SLC25A18: variants seen among roughly 807,000 people sequenced by gnomAD.
SLC25A18 encodes the protein solute carrier family 25 member 18, also known as mitochondrial glutamate carrier 2.
Under a neutral mutation model 31.1 loss-of-function variants are expected in SLC25A18, and 24 were observed. The observed-to-expected ratio is 0.77, with a 90% CI of 0.56 to 1.08. The LOEUF (loss-of-function observed/expected upper bound fraction) is 1.08, where lower values mean the gene tolerates loss of function less well. SLC25A18 is among the 50% of genes least tolerant of loss of function. SLC25A18 has a pLI of 0.00. For missense variants in SLC25A18, 371 were observed against 418.5 expected, an observed-to-expected ratio of 0.89 and a Z score of 0.99; for synonymous variants, 173 against 161.9, an observed-to-expected ratio of 1.07 and a Z score of -0.52.
chr22:17,572,637 A>T (rs1335027823), intron 2 of SLC25A18, among the ~76,000 whole-genome samples: 50,797 of 109,552 alleles, frequency 0.46, 11,795 homozygotes, highest in African/African-American at 0.6. Flanking sequence ...CTACAAATAA[A>T]TTTTTTTTTT....
intron 2 of SLC25A18, among the ~76,000 whole-genome samples, chr22:17,578,568 G>A (rs1412327574): frequency 6.6e-6 from 1 of 152,202 alleles, no homozygotes; most frequent in Non-Finnish European, 1.5e-5. Flanking sequence ...CTCAGAGCCT[G>A]GGCCAGCCTG....
intron 1 of SLC25A18, among the ~76,000 whole-genome samples, chr22:17,568,215 AAGTT>A (rs996817837): frequency 2.6e-5 from 4 of 151,708 alleles, no homozygotes; most frequent in African/African-American, 9.7e-5. Context: ...AAATACAAAA[AAGTT>A]AGCCGGGTGT....
At chr22:17,564,556 A>T (rs1569171734) in intron 1 of SLC25A18, among the ~76,000 whole-genome samples, 5 of 152,254 alleles carry the variant, frequency 3.3e-5, no homozygotes, top group South Asian at 2.1e-4. Flanking sequence ...AAGTAAAAAA[A>T]ATTTTTAGAA....
At chr22:17,568,719 G>A (rs1342787938) in intron 1 of SLC25A18, among the ~76,000 whole-genome samples, 1 of 151,048 alleles carries the variant, frequency 6.6e-6, no homozygotes, top group Non-Finnish European at 1.5e-5. Flanking sequence ...CTGCCACCAC[G>A]CCTGACTAAT....
intron 1 of SLC25A18, chr22:17,569,660 T>G: frequency 1.0e-6 from 1 of 985,424 alleles, no homozygotes; most frequent in Non-Finnish European, 1.2e-6. Flanking sequence ...TAAAATCTTT[T>G]CCCAGCCTGG....
Position 17,590,147 on chromosome 22 carries a change from C to T in SLC25A18, c.859C>T (p.Arg287Trp), listed in dbSNP as rs749514090. Reference protein sequence around the residue: ...PSAFMKGAGCRALVIAPLFGI... With the variant: ...PSAFMKGAGCWALVIAPLFGI... Reference sequence around the variant, plus strand: ...TGCCTTCATGAAAGGCGCTGGCTGCCGGGCACTGGTCATAGCACCTCTCTT... The same window carrying T: ...TGCCTTCATGAAAGGCGCTGGCTGCTGGGCACTGGTCATAGCACCTCTCTT... Residue 287 changes from arginine (R) to tryptophan (W), a missense_variant, in exon 11 of 11, where the codon CGG becomes TGG. By Grantham distance (101) the Arg-to-Trp change is moderately radical. Transcript: ENST00000327451. The T allele has an allele frequency of 6.8e-6, 11 of 1,614,100 alleles. No individual in the cohort carries two copies. The highest frequency in any genetic ancestry group is 3.3e-5 in the Admixed American group (2 of 60,006).
At chr22:17,568,264 G>A (rs988238587) in intron 1 of SLC25A18, among the ~76,000 whole-genome samples, 16 of 151,784 alleles carry the variant, frequency 1.1e-4, no homozygotes, top group Non-Finnish European at 1.8e-4. Context: ...CTACTCGGGA[G>A]GCTGAGGCAG....
At chr22:17,575,942 C>T (rs1178804654) in intron 2 of SLC25A18, among the ~76,000 whole-genome samples, 1 of 152,158 alleles carries the variant, frequency 6.6e-6, no homozygotes, top group Non-Finnish European at 1.5e-5. Flanking sequence ...TTTTCTAGTC[C>T]TTTCCCACTT....
chr22:17,565,306 C>T (rs1041047275), intron 1 of SLC25A18, among the ~76,000 whole-genome samples: 6 of 152,046 alleles, frequency 3.9e-5, no homozygotes, highest in Admixed American at 3.3e-4. Context: ...TGGTCTCGAT[C>T]TCCTGACCTC....
chr22:17,566,631 C>T (rs923663025), intron 1 of SLC25A18, among the ~76,000 whole-genome samples: 23 of 152,128 alleles, frequency 1.5e-4, no homozygotes, highest in African/African-American at 5.6e-4. Flanking sequence ...AGGCTGGTCT[C>T]GAACTCCCAA....
chr22:17,566,941 G>T (rs896978720), intron 1 of SLC25A18, among the ~76,000 whole-genome samples: 2 of 152,180 alleles, frequency 1.3e-5, no homozygotes, highest in African/African-American at 4.8e-5. Context: ...CAGGCAGATG[G>T]CTTGAGGTCA....
intron 10 of SLC25A18, 65 bp downstream of exon 10, chr22:17,589,730 A>G: frequency 6.6e-7 from 1 of 1,506,168 alleles, no homozygotes; most frequent in Non-Finnish European, 9.2e-7. Flanking sequence ...GTCTGCCTAG[A>G]CCAGATTTAG....
In SLC25A18 at chr22:17,579,906, C is replaced by G. The variant is rs368923303; in HGVS notation, c.-39C>G. 2 of 1,603,098 alleles carry G rather than the reference C, an allele frequency of 1.2e-6. No homozygotes were observed. Among genetic ancestry groups the G allele is most frequent in the African/African-American group, 2.7e-5 (2 of 74,830 alleles). On this transcript the variant is annotated 5_prime_UTR_variant, in exon 3 of 11. Transcript: ENST00000327451. The stretch of plus-strand genomic sequence containing the variant: ...CCCCAACAGCGGCTACCCCAAGGAG[C>G]CAGCAGCCTTGTGTCCTGGGATCCC...
intron 9 of SLC25A18, 24 bp downstream of exon 9, chr22:17,588,103 T>C: frequency 6.2e-7 from 1 of 1,613,324 alleles, no homozygotes; most frequent in Non-Finnish European, 8.5e-7. Flanking sequence ...AGACGTGTCC[T>C]TTCTATGGGA....
In SLC25A18 at chr22:17,585,650, A is replaced by ATTT. The variant is rs143835144; in HGVS notation, c.410-1472_410-1470dup. The stretch of plus-strand genomic sequence containing the variant: ...TATTTATTTTATTATTATTATTATT[A>ATTT]TTTTTTTTTTTTTTTTGAGGCAGAG... On this transcript the variant is annotated intron_variant, in intron 7 of 10. Coordinates refer to ENST00000327451, the MANE Select transcript of SLC25A18 (RefSeq NM_031481.3). Among the ~76,000 whole-genome samples the ATTT allele has an allele frequency of 9.6e-3, 1,315 of 137,156 alleles. 36 individuals carry two copies. The highest frequency in any genetic ancestry group is 0.035 in the African/African-American group (1,268 of 35,826). 90.0% of individuals were successfully genotyped at this position (137,156 alleles called of 152,430 possible).
chr22:17,587,340 G>T (rs780581354), intron 8 of SLC25A18, 39 bp downstream of exon 8: 1 of 1,577,358 alleles, frequency 6.3e-7, no homozygotes, highest in South Asian at 1.2e-5. Context: ...AAGTGCACGG[G>T]GGAGGGCACG....
chr22:17,577,365 T>C (rs1340821661), intron 2 of SLC25A18, among the ~76,000 whole-genome samples: 1 of 147,880 alleles, frequency 6.8e-6, no homozygotes, highest in African/African-American at 2.5e-5. Flanking sequence ...TCCATGTTGG[T>C]CAGGCTGTTC....
At position 17,576,683 on chromosome 22, in the gene SLC25A18, T is replaced by TC. The variant is rs528910850; in HGVS notation, c.-200-3061dup. ...TACTGCTGCCAGGAATCTTGTCAAG[T>TC]CATAGGCTTTGATTAGCATAGGCCT... On this transcript the variant is annotated intron_variant, in intron 2 of 10. Coordinates refer to ENST00000327451, the MANE Select transcript of SLC25A18 (RefSeq NM_031481.3). Among the ~76,000 whole-genome samples the TC allele has an allele frequency of 1.3e-4, 20 of 152,296 alleles. No homozygotes were observed. The South Asian group carries it at 3.9e-3, about 30-fold the overall frequency.
At chr22:17,576,283 C>T (rs141111204) in intron 2 of SLC25A18, among the ~76,000 whole-genome samples, 22 of 151,310 alleles carry the variant, frequency 1.5e-4, no homozygotes, top group African/African-American at 9.7e-5. Context: ...ACCCAGGAGG[C>T]GGAGGTTACA....
Sources: allele counts gnomAD v4.1 joint callset (sites outside exome capture counted in the v4.1 genomes callset), GRCh38; gene constraint gnomAD v4.1.1; transcripts MANE v1.5; gene names NCBI Gene and HGNC (gene_info 2026-07-23, HGNC 2026-07-21).